The following LPP variants were observed in gnomAD, a reference collection of about 807,000 sequenced individuals.
LPP encodes lipoma-preferred partner.
LPP carries 38 observed loss-of-function variants against 60.4 expected under a neutral mutation model. The observed-to-expected ratio is 0.63, with a 90% CI of 0.49 to 0.83. LPP has a LOEUF of 0.83. Among genes scored for constraint, LPP ranks in the 40% least tolerant of loss-of-function variants. The probability of loss-of-function intolerance (pLI) is 0.00; values close to 1 mark genes in which losing one functional copy is unlikely to be tolerated. For missense variants in LPP, 902 were observed against 783.6 expected (o/e 1.15, Z -1.80); for synonymous variants, 328 against 290.8 (o/e 1.13, Z -1.30).
At chr3:188,507,325 G>C (rs1813824221) in intron 5 of LPP, among the ~76,000 whole-genome samples, 1 of 152,120 alleles carries the variant, frequency 6.6e-6, no homozygotes, top group Non-Finnish European at 1.5e-5. Flanking sequence ...GAGGAAATGG[G>C]AGAGGAAGTT....
At chr3:188,852,153 G>A (rs764888254) in intron 9 of LPP, among the ~76,000 whole-genome samples, 5 of 152,184 alleles carry the variant, frequency 3.3e-5, no homozygotes, top group East Asian at 1.9e-4. Context: ...GACAGAGTGA[G>A]ACTCTGTCTC....
chr3:188,857,645 C>T (rs560324466), intron 9 of LPP, among the ~76,000 whole-genome samples: 1 of 152,112 alleles, frequency 6.6e-6, no homozygotes, highest in Non-Finnish European at 1.5e-5. Context: ...ATAAGGTTTA[C>T]ACAGAAGAAG....
At chr3:188,452,167 T>A (rs1256924964) in intron 4 of LPP, among the ~76,000 whole-genome samples, 1 of 152,218 alleles carries the variant, frequency 6.6e-6, no homozygotes, top group Non-Finnish European at 1.5e-5. Flanking sequence ...AAGGATAAAA[T>A]TTTTAAGTCT....
chr3:188,257,724 C>T (rs192503422), intron 2 of LPP, among the ~76,000 whole-genome samples: 3 of 152,262 alleles, frequency 2.0e-5, no homozygotes, highest in African/African-American at 7.2e-5. Flanking sequence ...TCACTGGGCA[C>T]CCAGTCTGTG....
intron 6 of LPP, among the ~76,000 whole-genome samples, chr3:188,602,818 C>G (rs1841662991): frequency 6.6e-6 from 1 of 151,054 alleles, no homozygotes; most frequent in Non-Finnish European, 1.5e-5. Context: ...CGTGACTTTC[C>G]CAATGTCACT....
rs1770086849 is a variant in LPP, at chr3:188,881,998, G to A, written c.*7519G>A. The A allele has an allele frequency of 4.7e-6, 1 of 211,350 alleles. No individual in the cohort carries two copies. The highest frequency in any genetic ancestry group is 9.6e-6 in the Non-Finnish European group (1 of 104,490). The allele number at this position is 211,350 out of a possible 1,614,324, so 13.1% of individuals were successfully genotyped here. ...GAGTCCATATTTTTCTTTTCTTTTT[G>A]TTCTCCCAACATCCTTATCTCTTAC... On this transcript the variant is annotated 3_prime_UTR_variant, in exon 12 of 12. Transcript: ENST00000617246.
chr3:188,637,672 T>A (rs1849114487), intron 7 of LPP, among the ~76,000 whole-genome samples: 1 of 151,844 alleles, frequency 6.6e-6, no homozygotes, highest in South Asian at 2.1e-4. Context: ...TAAAAAATGA[T>A]AAAGGGGATA....
Position 188,632,523 on chromosome 3 carries a change from AG to A in LPP, c.1113+22680del, listed in dbSNP as rs375593831. On this transcript the variant is annotated intron_variant, in intron 7 of 11. Coordinates refer to ENST00000617246, the MANE Select transcript of LPP (RefSeq NM_001375462.1). ...GGTTACTTGGCCTGGGTAATGGCAAAGCAAATGTACTAAAAGAAACTCTGGT... is the reference window on the plus strand; with the variant it reads ...GGTTACTTGGCCTGGGTAATGGCAAACAAATGTACTAAAAGAAACTCTGGT... 1.3e-3 allele frequency among the ~76,000 whole-genome samples: 203 copies of A among 152,306 alleles called. 1 individual carries two copies. Among genetic ancestry groups the A allele is most frequent in the African/African-American group, 4.7e-3 (197 of 41,562 alleles).
chr3:188,518,445 T>C (rs1818004088), intron 5 of LPP, among the ~76,000 whole-genome samples: 1 of 152,210 alleles, frequency 6.6e-6, no homozygotes, highest in African/African-American at 2.4e-5. Flanking sequence ...TATTCCTAAG[T>C]TATCAGGGAA....
chr3:188,405,743 A>G (rs1359030605), intron 3 of LPP, among the ~76,000 whole-genome samples: 2 of 152,196 alleles, frequency 1.3e-5, no homozygotes, highest in Non-Finnish European at 2.9e-5. Context: ...TCCTCCTACC[A>G]TAAAATCTCC....
At chr3:188,383,021 C>A (rs1026185806) in intron 3 of LPP, among the ~76,000 whole-genome samples, 1 of 152,176 alleles carries the variant, frequency 6.6e-6, no homozygotes, top group African/African-American at 2.4e-5. Context: ...GAGGGTTACT[C>A]CTATATTTGG....
chr3:188,560,732 CT>C (rs1353975339), intron 6 of LPP, among the ~76,000 whole-genome samples: 1 of 152,100 alleles, frequency 6.6e-6, no homozygotes, highest in Non-Finnish European at 1.5e-5. Flanking sequence ...GCCATTGCCC[CT>C]GAAGTAGTAA....
intron 7 of LPP, among the ~76,000 whole-genome samples, chr3:188,682,827 T>C (rs1262082710): frequency 1.3e-5 from 2 of 152,144 alleles, no homozygotes; most frequent in Non-Finnish European, 2.9e-5. Flanking sequence ...TTGGCACATA[T>C]GCATGAGACA....
intron 1 of LPP, among the ~76,000 whole-genome samples, chr3:188,181,082 C>T (rs1349003902): frequency 2.0e-5 from 3 of 152,178 alleles, no homozygotes; most frequent in African/African-American, 4.8e-5. Context: ...AGGCCTGGCA[C>T]GGTGGCTCAT....
rs900156890 is a variant in LPP at position 188,217,545 on chromosome 3, C to T, written c.-189-7860C>T. Among the ~76,000 whole-genome samples, 2 of 152,080 alleles carry T rather than the reference C, an allele frequency of 1.3e-5. No individual in the cohort carries two copies. Among genetic ancestry groups the T allele is most frequent in the Non-Finnish European group, 2.9e-5 (2 of 68,022 alleles). Reference sequence around the variant, plus strand: ...GTAGAAGCAAGAAGGTTAGGCTAGACTTTTACCGTAATTCAGGTGTGATGT... The same window carrying T: ...GTAGAAGCAAGAAGGTTAGGCTAGATTTTTACCGTAATTCAGGTGTGATGT... On this transcript the variant is annotated intron_variant, in intron 1 of 11. Coordinates refer to ENST00000617246, the MANE Select transcript of LPP (RefSeq NM_001375462.1). This position sits in a 1 kb window ranked among gnomAD's most constrained non-coding sequence, Gnocchi z 4.0.
chr3:188,770,479 C>G (rs962005970), intron 9 of LPP, among the ~76,000 whole-genome samples: 5 of 151,800 alleles, frequency 3.3e-5, no homozygotes, highest in African/African-American at 1.2e-4. Flanking sequence ...GGGTGAGCCA[C>G]TGCACTGGCC....
At chr3:188,281,783 A>T (rs1742165562) in intron 2 of LPP, among the ~76,000 whole-genome samples, 1 of 152,092 alleles carries the variant, frequency 6.6e-6, no homozygotes. Context: ...TTTGTCTCAC[A>T]TTTATATACC....
Position 188,676,124 on chromosome 3 carries a change from T to A in LPP, c.1114-32143T>A, listed in dbSNP as rs573021472. Among the ~76,000 whole-genome samples the A allele has an allele frequency of 1.1e-4, 16 of 152,064 alleles. No homozygotes were observed. In the South Asian group the frequency reaches 2.1e-3, roughly 20 times the overall value. ...AATATTAGAAAAGTGAAAACGTTTT[T>A]AAAAAAAATAGGTAGCAGTCACCAC... On this transcript the variant is annotated intron_variant, in intron 7 of 11. Coordinates refer to ENST00000617246, the MANE Select transcript of LPP (RefSeq NM_001375462.1).
intron 2 of LPP, among the ~76,000 whole-genome samples, chr3:188,229,539 C>T (rs1159226915): frequency 6.6e-6 from 1 of 152,158 alleles, no homozygotes; most frequent in African/African-American, 2.4e-5. Flanking sequence ...AGCATTTGCT[C>T]AGCTAGCTTT....
Sources: gnomAD v4.1 joint callset for allele counts (sites outside exome capture counted in the v4.1 genomes callset) on GRCh38, gnomAD v4.1.1 for gene constraint, Gnocchi (gnomAD v3.1) non-coding constraint, MANE v1.5 for transcripts, NCBI Gene and HGNC (gene_info 2026-07-23, HGNC 2026-07-21) for gene names.